The following NRG3 variants were observed in gnomAD, a reference collection of about 807,000 sequenced individuals.
NRG3 encodes the protein pro-neuregulin-3, membrane-bound isoform.
In NRG3, 31 loss-of-function variants were observed where a neutral mutation model predicts 66.9. The observed-to-expected ratio is 0.46, with a 90% CI of 0.35 to 0.63. NRG3 has a LOEUF of 0.63. Among genes scored for constraint, NRG3 ranks in the 20% least tolerant of loss-of-function variants. NRG3 has a pLI of 0.00. For missense variants in NRG3, 910 were observed against 878.9 expected (o/e 1.04, Z -0.45); for synonymous variants, 393 against 359.4 (o/e 1.09, Z -1.06).
At chr10:82,672,582 G>A (rs917420301) in intron 2 of NRG3, among the ~76,000 whole-genome samples, 3 of 152,108 alleles carry the variant, frequency 2.0e-5, no homozygotes, top group Non-Finnish European at 4.4e-5. Flanking sequence ...AGATGTAAGG[G>A]GGAATGCTGC....
intron 1 of NRG3, among the ~76,000 whole-genome samples, chr10:82,261,260 G>A (rs938939958): frequency 5.9e-5 from 9 of 152,058 alleles, no homozygotes; most frequent in Admixed American, 2.6e-4. Context: ...TATAAGGGGC[G>A]CCACCCGCTT....
intron 1 of NRG3, among the ~76,000 whole-genome samples, chr10:82,048,314 C>T (rs4457696): frequency 0.89 from 132,809 of 149,962 alleles, 59,940 homozygotes; most frequent in South Asian, 0.99. Flanking sequence ...CAGCACCACA[C>T]CACACCTATT....
At chr10:82,479,072 A>T (rs1467031164) in intron 2 of NRG3, among the ~76,000 whole-genome samples, 1 of 152,196 alleles carries the variant, frequency 6.6e-6, no homozygotes, top group Non-Finnish European at 1.5e-5. Flanking sequence ...TCCTTACATG[A>T]CTAACATTTT....
At chr10:82,240,446 T>G (rs2133988103) in intron 1 of NRG3, among the ~76,000 whole-genome samples, 1 of 152,320 alleles carries the variant, frequency 6.6e-6, no homozygotes, top group East Asian at 1.9e-4. Context: ...TGATGGTTGC[T>G]TAAGAATTTT....
intron 2 of NRG3, among the ~76,000 whole-genome samples, chr10:82,437,503 G>GT (rs1342180296): frequency 6.6e-6 from 1 of 151,934 alleles, no homozygotes; most frequent in East Asian, 1.9e-4. Context: ...GCTCATCATA[G>GT]TTTTTTACTA....
chr10:82,210,483 G>A (rs1158680145), intron 1 of NRG3, among the ~76,000 whole-genome samples: 2 of 152,210 alleles, frequency 1.3e-5, no homozygotes, highest in Non-Finnish European at 2.9e-5. Flanking sequence ...AGGGCAGGGG[G>A]TTGAATGGAG....
intron 1 of NRG3, among the ~76,000 whole-genome samples, chr10:81,905,528 G>T (rs750640035): frequency 1.2e-4 from 18 of 152,192 alleles, no homozygotes; most frequent in African/African-American, 4.3e-4. Flanking sequence ...TTTTAGTGTC[G>T]TTTATATAGC....
intron 2 of NRG3, among the ~76,000 whole-genome samples, chr10:82,506,171 G>A (rs1476752046): frequency 1.3e-5 from 2 of 152,142 alleles, no homozygotes; most frequent in Admixed American, 6.5e-5. Context: ...TCACTTGAAC[G>A]TGGGAGGCAG....
intron 2 of NRG3, among the ~76,000 whole-genome samples, chr10:82,692,493 G>A (rs530541452): frequency 6.6e-6 from 1 of 152,326 alleles, no homozygotes; most frequent in Admixed American, 6.5e-5. Context: ...ACATTGAAGG[G>A]TGAGAAGGAT....
In NRG3 at chr10:82,797,257, C is replaced by T. The variant is rs200656864; in HGVS notation, c.1027+58607C>T. ...CTTCATCACTGCCATAGAAATGGGA[C>T]GTTTCCTATGGCTCTCTCTGGGCCA... On this transcript the variant is annotated intron_variant, in intron 3 of 8. Coordinates refer to ENST00000372141, the MANE Select transcript of NRG3 (RefSeq NM_001010848.4). Among the ~76,000 whole-genome samples the T allele has an allele frequency of 4.9e-4, 74 of 152,284 alleles. No individual in the cohort carries two copies. In the East Asian group the frequency reaches 5.2e-3, roughly 11 times the overall value.
chr10:82,460,061 C>T (rs1311159259), intron 2 of NRG3, among the ~76,000 whole-genome samples: 1 of 152,150 alleles, frequency 6.6e-6, no homozygotes, highest in Non-Finnish European at 1.5e-5. Context: ...GCATCTTTCT[C>T]CGCTTTTTGC....
rs2063803410 is a variant in NRG3 at position 82,856,395 on chromosome 10, A to C, written c.1028-9016A>C. Among the ~76,000 whole-genome samples, 5 of 152,194 alleles carry C rather than the reference A, an allele frequency of 3.3e-5. No individual in the cohort carries two copies. The South Asian group carries it at 1.0e-3, about 32-fold the overall frequency. On this transcript the variant is annotated intron_variant, in intron 3 of 8. Coordinates refer to ENST00000372141, the MANE Select transcript of NRG3 (RefSeq NM_001010848.4). ...TTTTACACAGAAGCTTCTTTTTTTA[A>C]TTGTTAAATGGGGCTCAGTTGCACT...
chr10:82,442,835 A>G (rs1371641345), intron 2 of NRG3, among the ~76,000 whole-genome samples: 1 of 113,454 alleles, frequency 8.8e-6, no homozygotes, highest in Non-Finnish European at 1.7e-5. Context: ...AGATACATCG[A>G]GGAGGCAGGT....
chr10:82,524,939 T>C (rs1375410374), intron 2 of NRG3, among the ~76,000 whole-genome samples: 1 of 151,900 alleles, frequency 6.6e-6, no homozygotes, highest in African/African-American at 2.4e-5. Flanking sequence ...TCATCTCTCC[T>C]TCTATATTCA....
At chr10:82,815,564 G>A (rs746299374) in intron 3 of NRG3, among the ~76,000 whole-genome samples, 8 of 151,878 alleles carry the variant, frequency 5.3e-5, no homozygotes. Context: ...TTCCTCTCCT[G>A]ATGTCATGAA....
chr10:82,483,739 T>C (rs187535366), intron 2 of NRG3, among the ~76,000 whole-genome samples: 2 of 152,304 alleles, frequency 1.3e-5, no homozygotes, highest in East Asian at 3.9e-4. Flanking sequence ...TGCTCAAGTT[T>C]AGTTCATGGG....
intron 1 of NRG3, among the ~76,000 whole-genome samples, chr10:82,145,271 C>A (rs2070160835): frequency 6.6e-6 from 1 of 152,170 alleles, no homozygotes. Context: ...ATGGAAGACC[C>A]TATTTTCTTT....
intron 1 of NRG3, among the ~76,000 whole-genome samples, chr10:81,978,983 G>C (rs2060228811): frequency 6.6e-6 from 1 of 152,112 alleles, no homozygotes; most frequent in African/African-American, 2.4e-5. Flanking sequence ...AAGGTCAAGA[G>C]ATCAAGACCA....
chr10:82,189,677 C>A (rs2074019323), intron 1 of NRG3, among the ~76,000 whole-genome samples: 1 of 152,094 alleles, frequency 6.6e-6, no homozygotes, highest in Non-Finnish European at 1.5e-5. Context: ...GTAATCCCAG[C>A]TACTTGGGAG....
Sources: allele counts gnomAD v4.1 joint callset (sites outside exome capture counted in the v4.1 genomes callset), GRCh38; gene constraint gnomAD v4.1.1; transcripts MANE v1.5; gene names NCBI Gene and HGNC (gene_info 2026-07-23, HGNC 2026-07-21).